Variants in RNF216 observed in about 807,000 individuals in gnomAD.
The protein encoded by RNF216 is E3 ubiquitin-protein ligase RNF216.
Under a neutral mutation model 110.8 loss-of-function variants are expected in RNF216, and 72 were observed. The observed-to-expected ratio is 0.65, with a 90% confidence interval of 0.54 to 0.79. The LOEUF (loss-of-function observed/expected upper bound fraction) is 0.79. RNF216 is among the 30% of genes least tolerant of loss of function. RNF216 has a pLI of 0.00. For missense variants in RNF216, 1,342 were observed against 1,141.2 expected (o/e 1.18, Z -2.54); for synonymous variants, 495 against 407.5 (o/e 1.21, Z -2.59).
chr7:5,651,453 A>G (rs1359295629), intron 14 of RNF216, among the ~76,000 whole-genome samples: 15 of 152,018 alleles, frequency 9.9e-5, no homozygotes. Flanking sequence ...GCTGGTCTCA[A>G]ATTCGTGAGC....
chr7:5,739,891 T>C (rs371726176), intron 4 of RNF216, among the ~76,000 whole-genome samples: 1 of 151,462 alleles, frequency 6.6e-6, no homozygotes, highest in Non-Finnish European at 1.5e-5. Flanking sequence ...TGATCCCAGC[T>C]ACTCGGGAGG....
chr7:5,634,734 C>T (rs1787294206), intron 15 of RNF216, among the ~76,000 whole-genome samples: 1 of 152,218 alleles, frequency 6.6e-6, no homozygotes, highest in Admixed American at 6.5e-5. Context: ...GTTTTGCGTC[C>T]CGTCAGGGTC....
At chr7:5,660,741 C>G (rs1161309976) in intron 13 of RNF216, among the ~76,000 whole-genome samples, 1 of 151,784 alleles carries the variant, frequency 6.6e-6, no homozygotes, top group African/African-American at 2.4e-5. Context: ...CCATGCCTGG[C>G]TAATTTTTTG....
In RNF216 at chr7:5,644,827, CTTTTTTT is replaced by C. The variant is rs59440013; in HGVS notation, c.2160-3458_2160-3452del. ...GGCTGTTTGCCTATTTTCTTTTTTTCTTTTTTTTTTTTTTTGAAACGGAGTCTTGCTC... is the reference window on the plus strand; with the variant it reads ...GGCTGTTTGCCTATTTTCTTTTTTTCTTTTTTTTGAAACGGAGTCTTGCTC... On this transcript the variant is annotated intron_variant, in intron 14 of 16. Transcript: ENST00000389902. 1.8e-4 allele frequency among the ~76,000 whole-genome samples: 25 copies of C among 135,944 alleles called. No homozygotes were observed. The East Asian group carries it at 1.9e-3, about 10-fold the overall frequency. The allele number at this position is 135,944 out of a possible 152,430, so 89.2% of individuals were successfully genotyped here.
chr7:5,741,176 G>A lies in RNF216; in HGVS notation c.841C>T (p.Gln281Ter). The stretch of plus-strand genomic sequence containing the variant: ...GAAGAGGGGCCTGAAATCCCACCTT[G>A]CTGGGGTTCCGGCCTTGGAAAAGCG... ...GPAFPRPEPQ[Q>*]GGISGPSSPQ... is the part of the protein sequence containing the mutation. Residue 281 changes from glutamine (Q) to a stop codon, truncating the protein, a stop_gained, in exon 4 of 17, where the codon CAA becomes TAA. Transcript: ENST00000389902. LOFTEE classifies it high-confidence loss of function. 1 of 1,614,142 alleles carries A rather than the reference G, an allele frequency of 6.2e-7. No homozygotes were observed.
At chr7:5,681,177 C>A (rs1031324728) in intron 13 of RNF216, among the ~76,000 whole-genome samples, 12 of 152,220 alleles carry the variant, frequency 7.9e-5, no homozygotes, top group African/African-American at 1.2e-4. Flanking sequence ...TTCAGAGACA[C>A]TGAAGAGCCA....
intron 10 of RNF216, 83 bp from the exon 11 acceptor site, chr7:5,715,273 C>A: frequency 1.4e-6 from 2 of 1,417,150 alleles, no homozygotes; most frequent in Admixed American, 1.8e-5. Flanking sequence ...ATCTCTCTGC[C>A]ACCCCCCACA....
At chr7:5,668,648 C>T (rs921677151) in intron 13 of RNF216, among the ~76,000 whole-genome samples, 1 of 152,192 alleles carries the variant, frequency 6.6e-6, no homozygotes, top group African/African-American at 2.4e-5. Context: ...AGGGTCAACT[C>T]GACACAGAAG....
At position 5,622,821 on chromosome 7, in the gene RNF216, C is replaced by A. The variant is rs1786456360; in HGVS notation, c.*39G>T. The A allele has an allele frequency of 1.3e-6, 2 of 1,550,594 alleles. No individual in the cohort carries two copies. The highest frequency in any genetic ancestry group is 1.2e-5 in the South Asian group (1 of 83,060). On this transcript the variant is annotated 3_prime_UTR_variant, in exon 17 of 17. Coordinates refer to ENST00000389902, the MANE Select transcript of RNF216 (RefSeq NM_207111.4). Reference sequence around the variant, plus strand: ...GGGTTCTCCATCCACACTCCTACCCCAAACGGGCTTTGTGCTGCTCAATGG... The same window carrying A: ...GGGTTCTCCATCCACACTCCTACCCAAAACGGGCTTTGTGCTGCTCAATGG...
chr7:5,649,433 CAGG>C (rs1788251615), intron 14 of RNF216, among the ~76,000 whole-genome samples: 1 of 151,606 alleles, frequency 6.6e-6, no homozygotes, highest in Non-Finnish European at 1.5e-5. Flanking sequence ...CACTCAAGCT[CAGG>C]AGGTCAAGGC....
intron 13 of RNF216, among the ~76,000 whole-genome samples, chr7:5,659,526 C>G (rs926186258): frequency 1.3e-5 from 2 of 152,082 alleles, no homozygotes; most frequent in Non-Finnish European, 2.9e-5. Context: ...AGGACTGAGG[C>G]TATAGGAAGG....
intron 5 of RNF216, among the ~76,000 whole-genome samples, chr7:5,732,047 C>T (rs901656294): frequency 6.6e-6 from 1 of 152,204 alleles, no homozygotes; most frequent in Non-Finnish European, 1.5e-5. Flanking sequence ...CGCTTCCCTA[C>T]CACCACAGCC....
At chr7:5,623,202 T>A (rs760280926) in intron 16 of RNF216, 23 bp from the exon 17 acceptor site, 2 of 1,528,018 alleles carry the variant, frequency 1.3e-6, no homozygotes, top group Admixed American at 4.0e-5. Flanking sequence ...TGGGGATTAG[T>A]GGAGAAAAAC....
chr7:5,664,184 C>T (rs1008196756), intron 13 of RNF216, among the ~76,000 whole-genome samples: 3 of 152,132 alleles, frequency 2.0e-5, no homozygotes, highest in Non-Finnish European at 2.9e-5. Flanking sequence ...GCAAAAAAAG[C>T]GTATCTATCT....
intron 3 of RNF216, among the ~76,000 whole-genome samples, chr7:5,751,317 A>G (rs553504911): frequency 1.3e-5 from 2 of 152,308 alleles, no homozygotes; most frequent in African/African-American, 2.4e-5. Flanking sequence ...CCTGGGTGAA[A>G]GCCTAACAAA....
At chr7:5,742,790 T>A (rs1794836290) in intron 3 of RNF216, among the ~76,000 whole-genome samples, 1 of 151,690 alleles carries the variant, frequency 6.6e-6, no homozygotes, top group Non-Finnish European at 1.5e-5. Context: ...GAGACAGGGT[T>A]TTGCCATGTT....
In RNF216 at chr7:5,758,633, C is replaced by T. The variant is rs140800900; in HGVS notation, c.67+2370G>A. On this transcript the variant is annotated intron_variant, in intron 2 of 16. Transcript: ENST00000389902. ...TTTTGGACCTTTAAGATTTAATGAC[C>T]GCCCTGCTGGGTTTTGGACTTGTGT... 1.9e-4 allele frequency among the ~76,000 whole-genome samples: 29 copies of T among 152,226 alleles called. No homozygotes were observed. The East Asian group carries it at 1.9e-3, about 10-fold the overall frequency.
chr7:5,653,433 C>T (rs1486265166), intron 13 of RNF216, among the ~76,000 whole-genome samples: 1 of 151,394 alleles, frequency 6.6e-6, no homozygotes, highest in East Asian at 1.9e-4. Context: ...CCTGTCTCTA[C>T]TAAAAATACA....
In RNF216 at chr7:5,624,182, C is replaced by T. The variant is rs951178006; in HGVS notation, c.2383-57G>A. 1.3e-5 allele frequency: 19 copies of T among 1,485,214 alleles called. No homozygotes were observed. Among genetic ancestry groups the T allele is most frequent in the South Asian group, 2.3e-5 (2 of 86,644 alleles). 92.0% of individuals were successfully genotyped at this position (1,485,214 alleles called of 1,614,324 possible). A position where few individuals can be genotyped will look rare whatever the true frequency, so the allele number is the denominator to read the frequency against. On this transcript the variant is annotated intron_variant, in intron 15 of 16. Transcript: ENST00000389902. This position sits in a 1 kb window ranked among gnomAD's most constrained non-coding sequence, Gnocchi z 4.4. The stretch of plus-strand genomic sequence containing the variant: ...GTAGCTTCATGCAGTGCTGAGGCCC[C>T]GTGGGACAGTGAGGAGGCCGCTTGT...
Sources: gnomAD v4.1 joint callset for allele counts (sites outside exome capture counted in the v4.1 genomes callset) on GRCh38, gnomAD v4.1.1 for gene constraint, Gnocchi (gnomAD v3.1) non-coding constraint, MANE v1.5 for transcripts, NCBI Gene and HGNC (gene_info 2026-07-23, HGNC 2026-07-21) for gene names.